The following L3MBTL3 variants were observed in gnomAD, a reference collection of about 807,000 sequenced individuals.
L3MBTL3 encodes L3MBTL histone methyl-lysine binding protein 3.
Under a neutral mutation model 102.3 loss-of-function variants are expected in L3MBTL3, and 27 were observed. The observed-to-expected ratio is 0.26, with a 90% CI of 0.19 to 0.36. L3MBTL3 has a LOEUF of 0.36. Ranked by LOEUF, L3MBTL3 falls within the 10% of genes least tolerant of loss-of-function variation. The pLI is 1.00. For missense variants in L3MBTL3, 798 were observed against 955.3 expected, an observed-to-expected ratio of 0.84 and a Z score of 2.17; for synonymous variants, 340 against 320.9, an observed-to-expected ratio of 1.06 and a Z score of -0.64.
chr6:130,090,898 G>A (rs1784000422), intron 16 of L3MBTL3, among the ~76,000 whole-genome samples: 1 of 151,836 alleles, frequency 6.6e-6, no homozygotes. Context: ...CAAATTTATT[G>A]TCTTTTCATA....
chr6:130,092,918 A>G, intron 17 of L3MBTL3, 59 bp downstream of exon 17: 2 of 1,064,786 alleles, frequency 1.9e-6, no homozygotes, highest in Non-Finnish European at 2.9e-6. Flanking sequence ...CATTCTTAAG[A>G]TTTCATCCTT....
At chr6:130,078,292 G>T (rs188877286) in intron 13 of L3MBTL3, among the ~76,000 whole-genome samples, 1 of 152,142 alleles carries the variant, frequency 6.6e-6, no homozygotes, top group African/African-American at 2.4e-5. Flanking sequence ...CATTTTTGCT[G>T]TAGTTGAAGT....
intron 2 of L3MBTL3, among the ~76,000 whole-genome samples, chr6:130,037,037 T>G (rs992432307): frequency 6.6e-6 from 1 of 152,208 alleles, no homozygotes; most frequent in Non-Finnish European, 1.5e-5. Flanking sequence ...AGAGGGTTGA[T>G]AAAATCCCTG....
At chr6:130,137,125 A>G (rs1160254228) in intron 22 of L3MBTL3, among the ~76,000 whole-genome samples, 1 of 152,226 alleles carries the variant, frequency 6.6e-6, no homozygotes, top group Non-Finnish European at 1.5e-5. Context: ...TTGAGTGAAT[A>G]CATTCATGCC....
chr6:130,070,541 C>T (rs1422924610), intron 12 of L3MBTL3, among the ~76,000 whole-genome samples: 1 of 152,114 alleles, frequency 6.6e-6, no homozygotes, highest in Non-Finnish European at 1.5e-5. Context: ...TTTGTACTGA[C>T]TCATGCACAT....
In L3MBTL3 at chr6:130,139,745, G is replaced by T; in HGVS notation, c.2335G>T (p.Glu779Ter). 1 of 1,612,878 alleles carries T rather than the reference G, an allele frequency of 6.2e-7. No individual in the cohort carries two copies. Among genetic ancestry groups the T allele is most frequent in the South Asian group, 1.1e-5 (1 of 91,026 alleles). ...AGCTGCAGAGAAGAATTCTCACAAT[G>T]AACTTTGAAGATGGTGAATTCTGAA... Reference protein sequence around the residue: ...FKAAEKNSHNEL With the variant: ...FKAAEKNSHN The change falls in exon 23 of 23, where the codon GAA becomes TAA. Residue 779 changes from glutamate (E) to a stop codon, truncating the protein, a stop_gained. Coordinates refer to ENST00000361794, the MANE Select transcript of L3MBTL3 (RefSeq NM_032438.4). LOFTEE classifies it high-confidence loss of function.
chr6:130,138,119 T>A (rs1787900590), intron 22 of L3MBTL3: 1 of 152,358 alleles, frequency 6.6e-6, no homozygotes, highest in Non-Finnish European at 1.5e-5. Context: ...AGGCAGTCTA[T>A]ATTTACAGGT....
chr6:130,124,893 C>A (rs1786491084), intron 20 of L3MBTL3, among the ~76,000 whole-genome samples: 2 of 151,924 alleles, frequency 1.3e-5, no homozygotes, highest in African/African-American at 4.8e-5. Context: ...TCACTTGAAC[C>A]TGGGAGGTGG....
At chr6:130,059,989 A>T in intron 9 of L3MBTL3, 47 bp from the exon 10 acceptor site, 2 of 1,001,634 alleles carry the variant, frequency 2.0e-6, no homozygotes, top group Non-Finnish European at 3.1e-6. Context: ...ATCTTTAAAT[A>T]GGGCTTTGGG....
intron 16 of L3MBTL3, among the ~76,000 whole-genome samples, chr6:130,087,853 T>C (rs998134020): frequency 1.3e-5 from 2 of 152,120 alleles, no homozygotes; most frequent in Non-Finnish European, 2.9e-5. Context: ...TTTTTTTTTT[T>C]ACAAGCATAC....
At chr6:130,126,296 G>A (rs927229057) in intron 20 of L3MBTL3, among the ~76,000 whole-genome samples, 1 of 152,142 alleles carries the variant, frequency 6.6e-6, no homozygotes, top group African/African-American at 2.4e-5. Context: ...TGGCTCATGT[G>A]TGGAGAGAAC....
At chr6:130,112,046 C>G (rs891152519) in intron 19 of L3MBTL3, among the ~76,000 whole-genome samples, 7 of 152,220 alleles carry the variant, frequency 4.6e-5, no homozygotes, top group Non-Finnish European at 1.0e-4. Context: ...GTGCCATCTC[C>G]TAGCTAATCT....
At chr6:130,062,987 T>TTTC (rs1377848983) in intron 10 of L3MBTL3, among the ~76,000 whole-genome samples, 4 of 64,792 alleles carry the variant, frequency 6.2e-5, no homozygotes, top group Non-Finnish European at 1.3e-4. Flanking sequence ...CCTTCTTGCC[T>TTTC]TTCTTTTTTT....
chr6:130,105,888 C>T (rs907111699), intron 19 of L3MBTL3, among the ~76,000 whole-genome samples: 8 of 152,110 alleles, frequency 5.3e-5, no homozygotes, highest in African/African-American at 1.9e-4. Context: ...TCTCACAGAG[C>T]AAAGAAGTGG....
chr6:130,047,635 T>C (rs1780811208), intron 3 of L3MBTL3, among the ~76,000 whole-genome samples: 1 of 152,224 alleles, frequency 6.6e-6, no homozygotes, highest in Non-Finnish European at 1.5e-5. Flanking sequence ...TAAAATTACC[T>C]GAAGTGCATT....
chr6:130,064,665 G>T (rs1782127448), intron 10 of L3MBTL3, among the ~76,000 whole-genome samples: 1 of 152,136 alleles, frequency 6.6e-6, no homozygotes, highest in Non-Finnish European at 1.5e-5. Flanking sequence ...GTGGTGGGAG[G>T]CAGCAACCCG....
chr6:130,105,318 G>A (rs1045342773), intron 19 of L3MBTL3, among the ~76,000 whole-genome samples: 1 of 152,088 alleles, frequency 6.6e-6, no homozygotes, highest in African/African-American at 2.4e-5. Context: ...TTAAATCAAT[G>A]CATTGTCATA....
In L3MBTL3 at chr6:130,092,844, C is replaced by T; in HGVS notation, c.1618C>T (p.Leu540Phe). ...VGWCSKTGHP[L>F]QPPLSPLELM... ...CTGGTGTTCAAAAACAGGACATCCCCTTCAGCCTCCTTTGAGTAAGAGACA... is the reference window on the plus strand; with the variant it reads ...CTGGTGTTCAAAAACAGGACATCCCTTTCAGCCTCCTTTGAGTAAGAGACA... The change falls in exon 17 of 23, where the codon CTT becomes TTT. Residue 540 changes from leucine to phenylalanine, a missense_variant. This residue lies in a region of L3MBTL3 where 306 missense variants were observed against 314.4 expected (regional missense o/e 0.97). Transcript: ENST00000361794. 6.3e-7 allele frequency: 1 copy of T among 1,597,004 alleles called. No individual in the cohort carries two copies. Among genetic ancestry groups the T allele is most frequent in the Non-Finnish European group, 8.6e-7 (1 of 1,164,536 alleles).
chr6:130,094,248 T>C lies in L3MBTL3; in HGVS notation c.1634-17T>C. ...TTAATATTTTGCCCCTTCTTTCTTT[T>C]CTTTGCTCTTTCATAGGCCCCTTAG... On this transcript the variant is annotated splice_polypyrimidine_tract_variant and intron_variant, in intron 17 of 22. Coordinates refer to ENST00000361794, the MANE Select transcript of L3MBTL3 (RefSeq NM_032438.4). 7 of 1,594,160 alleles carry C rather than the reference T, an allele frequency of 4.4e-6. No individual in the cohort carries two copies. Among genetic ancestry groups the C allele is most frequent in the Non-Finnish European group, 5.1e-6 (6 of 1,165,188 alleles).
Sources: gnomAD v4.1 joint callset for allele counts (sites outside exome capture counted in the v4.1 genomes callset) on GRCh38, gnomAD v4.1.1 for gene constraint, gnomAD v4.1.1 regional missense constraint, MANE v1.5 for transcripts, NCBI Gene and HGNC (gene_info 2026-07-23, HGNC 2026-07-21) for gene names.